Variants in ARAP1 observed in about 807,000 individuals in gnomAD.
The protein encoded by ARAP1 is ArfGAP with RhoGAP domain, ankyrin repeat and PH domain 1.
In ARAP1, 76 loss-of-function variants were observed where a neutral mutation model predicts 172.2. The ratio of observed to expected loss-of-function variants is 0.44; its 90% CI spans 0.37 to 0.53. The LOEUF (loss-of-function observed/expected upper bound fraction) is 0.53. ARAP1 is among the 20% of genes least tolerant of loss of function. ARAP1 has a pLI of 0.00. For missense variants in ARAP1, 1,686 were observed against 1,977.5 expected (o/e 0.85, Z 2.80); for synonymous variants, 804 against 803.3 (o/e 1.00, Z -0.01).
Position 72,699,596 on chromosome 11 carries a change from C to T in ARAP1, c.2303-44G>A. On this transcript the variant is annotated intron_variant, in intron 16 of 34. Transcript: ENST00000393609. This position sits in a 1 kb window ranked among gnomAD's most constrained non-coding sequence, Gnocchi z 4.2. ...GGGGAGCCATCAGGGAGCCCCCCAC[C>T]ACCTGAAAACCACCTCTGCATCCTC... The T allele has an allele frequency of 2.5e-6, 4 of 1,588,270 alleles. No homozygotes were observed. Among genetic ancestry groups the T allele is most frequent in the African/African-American group, 1.3e-5 (1 of 74,328 alleles).
chr11:72,696,710 C>A, intron 22 of ARAP1, 56 bp from the exon 23 acceptor site: 5 of 1,435,508 alleles, frequency 3.5e-6, no homozygotes, highest in Non-Finnish European at 4.7e-6. Context: ...TTCCCCCCAC[C>A]CCGCCTGGGC....
At chr11:72,716,919 G>A (rs977307280) in intron 3 of ARAP1, among the ~76,000 whole-genome samples, 12 of 152,188 alleles carry the variant, frequency 7.9e-5, no homozygotes, top group Non-Finnish European at 1.3e-4. Flanking sequence ...GAGTCGGAAC[G>A]TACTCTCACA....
Position 72,693,947 on chromosome 11 carries a change from G to A in ARAP1, c.3695-142C>T. On this transcript the variant is annotated intron_variant, in intron 27 of 34. Coordinates refer to ENST00000393609, the MANE Select transcript of ARAP1 (RefSeq NM_001040118.3). The surrounding 1 kb of genome is among the most constrained non-coding windows in gnomAD (Gnocchi z 4.6). ...CCACGACACAAAACACCACCATCAT[G>A]ACCACCCTTCCCATGACCAAGCTTC... The A allele has an allele frequency of 3.1e-6, 2 of 653,412 alleles. No homozygotes were observed. The highest frequency in any genetic ancestry group is 2.6e-6 in the Non-Finnish European group (1 of 386,154). The allele number at this position is 653,412 out of a possible 1,614,324, so 40.5% of individuals were successfully genotyped here. A position where few individuals can be genotyped will look rare whatever the true frequency, so the allele number is the denominator to read the frequency against.
In ARAP1 at chr11:72,704,210, C is replaced by A. The variant is rs757321996; in HGVS notation, c.1934G>T (p.Arg645Leu). ...GTGGTAGCGGCGGTACTTGCCCTCA[C>A]GGTACTTGGCCTCCAGGTGGCACCG... The part of the protein sequence containing the change: ...TRRCHLEAKY[R>L]EGKYRRYHPL... Residue 645 changes from arginine to leucine, a missense_variant, in exon 14 of 35, where the codon CGT becomes CTT. By Grantham distance (102) the Arg-to-Leu change is moderately radical (BLOSUM62 -2). Transcript: ENST00000393609. 1.2e-6 allele frequency: 2 copies of A among 1,613,960 alleles called. No homozygotes were observed.
Position 72,692,852 on chromosome 11 carries a change from G to T in ARAP1, c.3955-67C>A, listed in dbSNP as rs2135495246. On this transcript the variant is annotated intron_variant, in intron 29 of 34. Transcript: ENST00000393609. ...CTAGAGCCAGGACAGCATGTGCAGT[G>T]ATGTGTGGGGTTGGGGTGTGTGTAT... 8.8e-6 allele frequency: 14 copies of T among 1,595,196 alleles called. 1 individual carries two copies. In the South Asian group the frequency reaches 1.5e-4, roughly 18 times the overall value.
At position 72,703,063 on chromosome 11, in the gene ARAP1, A is replaced by G; in HGVS notation, c.2009T>C (p.Val670Ala). 6.3e-7 allele frequency: 1 copy of G among 1,584,952 alleles called. No homozygotes were observed. Among genetic ancestry groups the G allele is most frequent in the South Asian group, 1.1e-5 (1 of 88,192 alleles). ...EELDKALCAA[V>A]TTTDLAETQA... Reference sequence around the variant, plus strand: ...GGTCTCAGCCAGGTCTGTGGTGGTGACTGCAGCACACAGGGCCTAGGAAGA... The same window carrying G: ...GGTCTCAGCCAGGTCTGTGGTGGTGGCTGCAGCACACAGGGCCTAGGAAGA... The change falls in exon 15 of 35, where the codon GTC (valine) becomes GCC (alanine). Residue 670 changes from valine to alanine, a missense_variant. By Grantham distance (64) the Val-to-Ala change is moderately conservative. Around this residue, in one of 5 missense-constraint regions of ARAP1, gnomAD observed 688 missense variants for 856.9 expected, o/e 0.80. Transcript: ENST00000393609.
At chr11:72,730,908 G>A (rs1857845872) in intron 2 of ARAP1, among the ~76,000 whole-genome samples, 1 of 152,182 alleles carries the variant, frequency 6.6e-6, no homozygotes, top group Non-Finnish European at 1.5e-5. Flanking sequence ...AGAATACTGA[G>A]CGGCCATAAG....
At position 72,699,656 on chromosome 11, in the gene ARAP1, T is replaced by G; in HGVS notation, c.2303-104A>C. On this transcript the variant is annotated intron_variant, in intron 16 of 34. Transcript: ENST00000393609. This position sits in a 1 kb window ranked among gnomAD's most constrained non-coding sequence, Gnocchi z 4.2. ...CTGCTCCCATCTGACCCATGAGCTC[T>G]TCATTCTCTCAAGTTTTCCCTAAAT... The G allele has an allele frequency of 2.1e-6, 3 of 1,438,034 alleles. No homozygotes were observed. The highest frequency in any genetic ancestry group is 2.8e-6 in the Non-Finnish European group (3 of 1,073,516). 89.1% of individuals were successfully genotyped at this position (1,438,034 alleles called of 1,614,324 possible).
At chr11:72,713,740 G>A (rs900266519) in intron 4 of ARAP1, among the ~76,000 whole-genome samples, 4 of 151,802 alleles carry the variant, frequency 2.6e-5, no homozygotes, top group East Asian at 1.9e-4. Flanking sequence ...CCAGCTACTC[G>A]GGAGGCTGAG....
At chr11:72,701,058 C>T (rs910186045) in intron 16 of ARAP1, among the ~76,000 whole-genome samples, 3 of 152,174 alleles carry the variant, frequency 2.0e-5, no homozygotes, top group Non-Finnish European at 4.4e-5. Context: ...GAGATGACAT[C>T]TCTGCAGGAG....
At chr11:72,698,766 C>A (rs1388955331) in intron 18 of ARAP1, among the ~76,000 whole-genome samples, 1 of 152,152 alleles carries the variant, frequency 6.6e-6, no homozygotes, top group African/African-American at 2.4e-5. Flanking sequence ...ACTTATTGAG[C>A]ACCTATGGAG....
Position 72,741,230 on chromosome 11 carries a change from C to G in ARAP1, c.-127-8633G>C, listed in dbSNP as rs992611742. Among the ~76,000 whole-genome samples the G allele has an allele frequency of 6.6e-6, 1 of 152,018 alleles. No homozygotes were observed. On this transcript the variant is annotated intron_variant, in intron 1 of 34. Transcript: ENST00000393609. The surrounding 1 kb of genome is among the most constrained non-coding windows in gnomAD (Gnocchi z 4.5). ...CTTGCCTGGACTTCTGGGCCCTCAC[C>G]GCTGCCTCCTGCCTCTGCCCCCTGC...
At chr11:72,713,584 A>C (rs1857131752) in intron 4 of ARAP1, among the ~76,000 whole-genome samples, 1 of 152,138 alleles carries the variant, frequency 6.6e-6, no homozygotes, top group African/African-American at 2.4e-5. Context: ...GCGGTGGCTC[A>C]TGCCTGTAAT....
chr11:72,746,385 A>G (rs1858365660), intron 1 of ARAP1, among the ~76,000 whole-genome samples: 1 of 152,186 alleles, frequency 6.6e-6, no homozygotes, highest in African/African-American at 2.4e-5. Context: ...CTGACCCACC[A>G]GCCAGCACTG....
In ARAP1 at chr11:72,696,538, T is replaced by G; in HGVS notation, c.3272+11A>C. On this transcript the variant is annotated intron_variant, in intron 23 of 34. Coordinates refer to ENST00000393609, the MANE Select transcript of ARAP1 (RefSeq NM_001040118.3). Reference sequence around the variant, plus strand: ...ATCCCCCCAGAATCTCACAATGGTATCGTCCCTCACCAGTACAGGTGGCTG... The same window carrying G: ...ATCCCCCCAGAATCTCACAATGGTAGCGTCCCTCACCAGTACAGGTGGCTG... The G allele has an allele frequency of 6.6e-7, 1 of 1,510,266 alleles. No homozygotes were observed. The highest frequency in any genetic ancestry group is 8.9e-7 in the Non-Finnish European group (1 of 1,124,188). 93.6% of individuals were successfully genotyped at this position (1,510,266 alleles called of 1,614,324 possible). A position where few individuals can be genotyped will look rare whatever the true frequency, so the allele number is the denominator to read the frequency against.
intron 30 of ARAP1, among the ~76,000 whole-genome samples, chr11:72,689,716 T>C (rs1042263254): frequency 6.6e-6 from 1 of 152,146 alleles, no homozygotes; most frequent in Admixed American, 6.5e-5. Context: ...TACCTGCTGA[T>C]TGGAAAGCCT....
At chr11:72,692,198 T>C (rs903290241) in intron 30 of ARAP1, among the ~76,000 whole-genome samples, 1 of 151,958 alleles carries the variant, frequency 6.6e-6, no homozygotes, top group Non-Finnish European at 1.5e-5. Flanking sequence ...GACAGAAGTA[T>C]CCCCCTAGGA....
chr11:72,693,420 G>A lies in ARAP1; in HGVS notation c.3859C>T (p.Arg1287Cys), dbSNP rs758080761. The A allele has an allele frequency of 7.4e-6, 12 of 1,613,888 alleles. No homozygotes were observed. Among genetic ancestry groups the A allele is most frequent in the Non-Finnish European group, 5.9e-6 (7 of 1,179,832 alleles). ...GGCAGGCCCAGGCCCAGGAGGCTGC[G>A]GTCCTCACGGAACTTCATCATGCCA... ...KHGMMKFRED[R>C]SLLGLGLPSG... The change falls in exon 29 of 35, where the codon CGC becomes TGC. Residue 1287 changes from arginine (R) to cysteine (C), a missense_variant. Coordinates refer to ENST00000393609, the MANE Select transcript of ARAP1 (RefSeq NM_001040118.3). The surrounding 1 kb of genome is among the most constrained non-coding windows in gnomAD (Gnocchi z 4.6).
rs905754359 is a variant in ARAP1 at position 72,687,296 on chromosome 11, A to G, written c.4185+143T>C. 10 of 1,084,416 alleles carry G rather than the reference A, an allele frequency of 9.2e-6. No individual in the cohort carries two copies. In the African/African-American group the frequency reaches 1.4e-4, roughly 15 times the overall value. 67.2% of individuals were successfully genotyped at this position (1,084,416 alleles called of 1,614,324 possible). ...GTAGGTGCTAGGAAGGGTTTATTGA[A>G]TAAACTAGCAAATGAATTAAAAGCA... is the stretch of plus-strand genomic sequence containing the variant. On this transcript the variant is annotated intron_variant, in intron 33 of 34. Transcript: ENST00000393609.
Sources: gnomAD v4.1 joint callset for allele counts (sites outside exome capture counted in the v4.1 genomes callset) on GRCh38, gnomAD v4.1.1 for gene constraint, gnomAD v4.1.1 regional missense constraint, Gnocchi (gnomAD v3.1) non-coding constraint, MANE v1.5 for transcripts, NCBI Gene and HGNC (gene_info 2026-07-23, HGNC 2026-07-21) for gene names.